Variants in MED14 observed in about 807,000 individuals in gnomAD.
The protein encoded by MED14 is mediator complex subunit 14.
MED14 carries 8 observed loss-of-function variants against 109.0 expected under a neutral mutation model. The observed-to-expected ratio is 0.07, with a 90% CI of 0.04 to 0.13. MED14 has a LOEUF of 0.13. Ranked by LOEUF, MED14 falls within the 10% of genes least tolerant of loss-of-function variation. The pLI, the probability that MED14 is intolerant of heterozygous loss-of-function variation, is 1.00. For synonymous variants in MED14, 399 were observed against 408.7 expected, an observed-to-expected ratio of 0.98 and a Z score of 0.29; for missense variants, 711 against 1,142.4, an observed-to-expected ratio of 0.62 and a Z score of 5.44.
At chrX:40,734,363 C>T (rs1323230096) in intron 1 of MED14, among the ~76,000 whole-genome samples, 1 of 112,492 alleles carries the variant, frequency 8.9e-6, no homozygotes, top group African/African-American at 3.2e-5. Context: ...TATCTGTTAT[C>T]AGTCTCTAAA....
Position 40,654,964 on chromosome X carries a change from C to T in MED14, c.4069G>A (p.Val1357Met), listed in dbSNP as rs1929003714. 1 of 1,209,105 alleles carries T rather than the reference C, an allele frequency of 8.3e-7. No homozygotes were observed. Among genetic ancestry groups the T allele is most frequent in the Non-Finnish European group, 1.1e-6 (1 of 894,600 alleles). The change falls in exon 29 of 31, where the codon GTG (valine) becomes ATG (methionine). Residue 1357 changes from valine (V) to methionine (M), a missense_variant. Transcript: ENST00000324817. ...AATAGCATTTTGGATTTCAGCACCACAGCAGGCGTCCCAGGAGGTGCAATC... is the reference window on the plus strand; with the variant it reads ...AATAGCATTTTGGATTTCAGCACCATAGCAGGCGTCCCAGGAGGTGCAATC... ...PPIAPPGTPA[V>M]VLKSKMLFFL...
Position 40,688,436 on chromosome X carries a change from C to A in MED14, c.2057+18G>T. 8.6e-7 allele frequency: 1 copy of A among 1,164,839 alleles called. No individual in the cohort carries two copies. Among genetic ancestry groups the A allele is most frequent in the Non-Finnish European group, 1.2e-6 (1 of 853,281 alleles). ...CTGCAACATGTGGCACCAAGTGAAACATATGACAGGGGCTTACTTTAATAA... is the reference window on the plus strand; with the variant it reads ...CTGCAACATGTGGCACCAAGTGAAAAATATGACAGGGGCTTACTTTAATAA... On this transcript the variant is annotated intron_variant, in intron 16 of 30. Transcript: ENST00000324817.
intron 13 of MED14, 134 bp from the exon 14 acceptor site, chrX:40,693,036 C>T (rs762862153): frequency 2.0e-5 from 9 of 450,921 alleles, no homozygotes; most frequent in Admixed American, 5.8e-5. Context: ...TTAAATCAAT[C>T]GTATCAAAAA....
chrX:40,712,384 A>T, intron 6 of MED14, 91 bp from the exon 7 acceptor site: 2 of 548,671 alleles, frequency 3.6e-6, no homozygotes, highest in Non-Finnish European at 5.7e-6. Flanking sequence ...ATAACAATGA[A>T]TTTTTTTAAA....
chrX:40,679,062 T>C (rs1930017622), intron 21 of MED14, among the ~76,000 whole-genome samples: 1 of 111,883 alleles, frequency 8.9e-6, no homozygotes, highest in African/African-American at 3.3e-5. Context: ...TATTTGACTC[T>C]AGACTAAAAA....
intron 23 of MED14, among the ~76,000 whole-genome samples, chrX:40,668,493 G>A (rs1371303131): frequency 1.8e-5 from 2 of 111,166 alleles, no homozygotes; most frequent in Non-Finnish European, 3.8e-5. Context: ...CTTATTTAAA[G>A]GCACAGGACT....
At chrX:40,660,322 G>C (rs1382593018) in intron 26 of MED14, among the ~76,000 whole-genome samples, 1 of 111,744 alleles carries the variant, frequency 8.9e-6, no homozygotes, top group Non-Finnish European at 1.9e-5. Context: ...TTCTGTATAT[G>C]CTGAACATTT....
chrX:40,692,363 AGT>A, intron 14 of MED14, 46 bp from the exon 15 acceptor site: 1 of 818,218 alleles, frequency 1.2e-6, no homozygotes, highest in Non-Finnish European at 1.7e-6. Context: ...AAAAAAAAAA[AGT>A]ACATGTGATG....
chrX:40,667,528 G>A (rs778554084), intron 23 of MED14, among the ~76,000 whole-genome samples: 74 of 112,108 alleles, frequency 6.6e-4, no homozygotes, highest in Non-Finnish European at 7.3e-4. Context: ...GCAGTGGGAA[G>A]AGAGGACACC....
At chrX:40,711,683 C>T (rs1037343878) in intron 7 of MED14, among the ~76,000 whole-genome samples, 3 of 109,782 alleles carry the variant, frequency 2.7e-5, no homozygotes, top group African/African-American at 6.6e-5. Context: ...AGTGCAGTGG[C>T]ATGATCTCGG....
chrX:40,716,670 T>C (rs184867450), intron 3 of MED14, among the ~76,000 whole-genome samples: 25 of 110,637 alleles, frequency 2.3e-4, no homozygotes, highest in African/African-American at 5.6e-4. Flanking sequence ...ATATATATAT[T>C]CAAGAGAAAG....
At chrX:40,669,569 C>T (rs1414909415) in intron 23 of MED14, among the ~76,000 whole-genome samples, 1 of 112,015 alleles carries the variant, frequency 8.9e-6, no homozygotes, top group Non-Finnish European at 1.9e-5. Flanking sequence ...CAAGAGAACT[C>T]CCCCCTCCTT....
chrX:40,703,052 T>C (rs911187683), intron 11 of MED14, among the ~76,000 whole-genome samples: 21 of 112,394 alleles, frequency 1.9e-4, no homozygotes, highest in Non-Finnish European at 3.0e-4. Flanking sequence ...CAAGTCATCT[T>C]AGATGTTTCT....
At chrX:40,722,655 G>A (rs762169448) in intron 3 of MED14, among the ~76,000 whole-genome samples, 45 of 111,183 alleles carry the variant, frequency 4.0e-4, no homozygotes, top group Non-Finnish European at 7.2e-4. Flanking sequence ...GCCCAAAGAC[G>A]ACTCAAGGCA....
chrX:40,701,309 G>A, intron 11 of MED14, 66 bp from the exon 12 acceptor site: 1 of 682,998 alleles, frequency 1.5e-6, no homozygotes, highest in Non-Finnish European at 2.2e-6. Context: ...TCTAGGTAGT[G>A]TAAAACAAAT....
rs182737884 is a variant in MED14, at chrX:40,735,018, G to T, written c.215+180C>A. ...CAAGTCTCTGTTGCATCGTTGCCAGGAAGACCCCAGATACAAAGCTTCTTC... is the reference window on the plus strand; with the variant it reads ...CAAGTCTCTGTTGCATCGTTGCCAGTAAGACCCCAGATACAAAGCTTCTTC... On this transcript the variant is annotated intron_variant, in intron 1 of 30. Transcript: ENST00000324817. Among the ~76,000 whole-genome samples, 22 of 111,557 alleles carry T rather than the reference G, an allele frequency of 2.0e-4. No individual in the cohort carries two copies. In the East Asian group the frequency reaches 6.2e-3, roughly 31 times the overall value.
chrX:40,682,040 C>T (rs1392362520), intron 18 of MED14, 97 bp from the exon 19 acceptor site: 3 of 386,171 alleles, frequency 7.8e-6, no homozygotes, highest in Admixed American at 9.7e-5. Flanking sequence ...ATTATATGCC[C>T]AGACAGGTCT....
At chrX:40,663,260 C>T in intron 25 of MED14, 100 bp from the exon 26 acceptor site, 1 of 670,842 alleles carries the variant, frequency 1.5e-6, no homozygotes, top group Non-Finnish European at 2.3e-6. Context: ...CTAAATCATT[C>T]TGTACTGTTT....
chrX:40,723,937 G>A (rs1243866546), intron 3 of MED14, among the ~76,000 whole-genome samples: 1 of 110,991 alleles, frequency 9.0e-6, no homozygotes, highest in Non-Finnish European at 1.9e-5. Flanking sequence ...TCAATGATCC[G>A]TTGCCTATAA....
Sources: gnomAD v4.1 joint callset for allele counts (sites outside exome capture counted in the v4.1 genomes callset) on GRCh38, gnomAD v4.1.1 for gene constraint, MANE v1.5 for transcripts, NCBI Gene and HGNC (gene_info 2026-07-23, HGNC 2026-07-21) for gene names.